BMPR1A: variants seen among roughly 807,000 people sequenced by gnomAD.
BMPR1A encodes bone morphogenetic protein receptor type-1A.
BMPR1A carries 7 observed loss-of-function variants against 66.0 expected under a neutral mutation model. The ratio of observed to expected loss-of-function variants is 0.11; its 90% CI spans 0.06 to 0.20. BMPR1A has a LOEUF of 0.20. BMPR1A is among the 10% of genes least tolerant of loss of function. BMPR1A has a pLI of 1.00. For synonymous variants in BMPR1A, 200 were observed against 229.7 expected (o/e 0.87, Z 1.17); for missense variants, 408 against 669.1 (o/e 0.61, Z 4.31).
chr10:86,824,112 T>TGTGTGTGTGTGTGTGTGTGTGTGTGTGTG (rs1564695887), intron 1 of BMPR1A, among the ~76,000 whole-genome samples: 2 of 151,736 alleles, frequency 1.3e-5, no homozygotes, highest in African/African-American at 4.8e-5. Flanking sequence ...TGTGTGTGTG[T>TGTGTGTGTGTGTGTGTGTGTGTGTGTGTG]TTCTTTCAGT....
chr10:86,875,479 A>G (rs1326823876), intron 2 of BMPR1A, among the ~76,000 whole-genome samples: 1 of 152,230 alleles, frequency 6.6e-6, no homozygotes, highest in Non-Finnish European at 1.5e-5. Context: ...TGTTTTCATT[A>G]TATCTACTAG....
rs1456045841 is a variant in BMPR1A at position 86,925,262 on chromosome 10, GCAAA to G, written c.*1547_*1550del. On this transcript the variant is annotated 3_prime_UTR_variant, in exon 13 of 13. Transcript: ENST00000372037. Reference sequence around the variant, plus strand: ...AATGCTTTTTAAATATTTATTCTGAGCAAACAATTCATGAGTACATCAAGTGAGA... The same window carrying G: ...AATGCTTTTTAAATATTTATTCTGAGCAATTCATGAGTACATCAAGTGAGA... The G allele has an allele frequency of 3.6e-5, 8 of 224,606 alleles. No individual in the cohort carries two copies. Among genetic ancestry groups the G allele is most frequent in the Non-Finnish European group, 6.2e-5 (7 of 113,168 alleles). 13.9% of individuals were successfully genotyped at this position (224,606 alleles called of 1,614,324 possible).
chr10:86,899,915 G>C, intron 6 of BMPR1A, 25 bp downstream of exon 6: 1 of 1,611,376 alleles, frequency 6.2e-7, no homozygotes, highest in Non-Finnish European at 8.5e-7. Flanking sequence ...AAAAGTCGGA[G>C]CATGCTTCTC....
At chr10:86,859,470 A>G (rs1201743932) in intron 2 of BMPR1A, among the ~76,000 whole-genome samples, 1 of 151,952 alleles carries the variant, frequency 6.6e-6, no homozygotes, top group African/African-American at 2.4e-5. Context: ...GCGCCCAGCT[A>G]AATACTGTAT....
At chr10:86,758,177 G>C (rs1397941408) in intron 1 of BMPR1A, among the ~76,000 whole-genome samples, 1 of 152,198 alleles carries the variant, frequency 6.6e-6, no homozygotes, top group African/African-American at 2.4e-5. Flanking sequence ...AATGTAGAAT[G>C]CGTTTTTAGT....
rs187086594 is a variant in BMPR1A, at chr10:86,823,044, C to T, written c.-267-15821C>T. Reference sequence around the variant, plus strand: ...ATAGAATTTAGCACAGTAACCGGCACATAGTAAATGTTTGATAAATGGAAC... The same window carrying T: ...ATAGAATTTAGCACAGTAACCGGCATATAGTAAATGTTTGATAAATGGAAC... On this transcript the variant is annotated intron_variant, in intron 1 of 12. Transcript: ENST00000372037. Among the ~76,000 whole-genome samples, 10 of 152,244 alleles carry T rather than the reference C, an allele frequency of 6.6e-5. No individual in the cohort carries two copies. In the East Asian group the frequency reaches 1.9e-3, roughly 29 times the overall value.
chr10:86,847,158 T>A (rs1842498053), intron 2 of BMPR1A, among the ~76,000 whole-genome samples: 1 of 152,016 alleles, frequency 6.6e-6, no homozygotes. Context: ...CCTGGCCCAT[T>A]TGGGGTACTT....
chr10:86,879,566 A>G lies in BMPR1A; in HGVS notation c.67+3481A>G, dbSNP rs543693929. ...AGAATAAGAGTATCTGTTGCTGGGTACCACATTTGTTGACCTGACATCATA... is the reference window on the plus strand; with the variant it reads ...AGAATAAGAGTATCTGTTGCTGGGTGCCACATTTGTTGACCTGACATCATA... On this transcript the variant is annotated intron_variant, in intron 3 of 12. Transcript: ENST00000372037. Among the ~76,000 whole-genome samples the G allele has an allele frequency of 7.9e-5, 12 of 152,350 alleles. No individual in the cohort carries two copies. In the South Asian group the frequency reaches 2.5e-3, roughly 32 times the overall value.
intron 2 of BMPR1A, among the ~76,000 whole-genome samples, chr10:86,846,736 A>G (rs1315587515): frequency 2.6e-5 from 4 of 151,844 alleles, no homozygotes; most frequent in African/African-American, 9.7e-5. Flanking sequence ...AATTAACCAC[A>G]CACCCACTTG....
chr10:86,820,686 C>G (rs2125056), intron 1 of BMPR1A, among the ~76,000 whole-genome samples: 33,328 of 152,016 alleles, frequency 0.22, 4,780 homozygotes, highest in East Asian at 0.64. Context: ...CCTTGCCCTC[C>G]CCCCGGACTT....
intron 1 of BMPR1A, among the ~76,000 whole-genome samples, chr10:86,825,060 G>A (rs1842173834): frequency 6.6e-6 from 1 of 151,546 alleles, no homozygotes; most frequent in Non-Finnish European, 1.5e-5. Context: ...AGAAATAATA[G>A]GACATTTAGA....
chr10:86,812,891 G>A (rs1841990010), intron 1 of BMPR1A, among the ~76,000 whole-genome samples: 4 of 152,148 alleles, frequency 2.6e-5, no homozygotes, highest in African/African-American at 9.7e-5. Flanking sequence ...TAAATGCAGA[G>A]TGATGTCTAT....
chr10:86,887,727 T>TCACA (rs1843085778), intron 3 of BMPR1A, among the ~76,000 whole-genome samples: 1 of 152,232 alleles, frequency 6.6e-6, no homozygotes, highest in Non-Finnish European at 1.5e-5. Context: ...ATATATTATA[T>TCACA]ACTGTTTGTT....
intron 2 of BMPR1A, among the ~76,000 whole-genome samples, chr10:86,850,019 TA>T (rs946980729): frequency 9.9e-5 from 15 of 151,854 alleles, no homozygotes; most frequent in Admixed American, 6.6e-5. Flanking sequence ...GAGTGGAAGT[TA>T]AAAAAAATTC....
intron 1 of BMPR1A, among the ~76,000 whole-genome samples, chr10:86,816,985 A>G (rs1842043828): frequency 6.6e-6 from 1 of 152,232 alleles, no homozygotes; most frequent in Admixed American, 6.5e-5. Context: ...CAGATAATGA[A>G]AGTACAAGTG....
chr10:86,771,553 G>A (rs1441108131), intron 1 of BMPR1A, among the ~76,000 whole-genome samples: 1 of 152,204 alleles, frequency 6.6e-6, no homozygotes, highest in African/African-American at 2.4e-5. Flanking sequence ...CTAAGTGGCA[G>A]AGCTGGGATT....
rs545516327 is a variant in BMPR1A, at chr10:86,775,533, T to C, written c.-268+18614T>C. 2.6e-4 allele frequency among the ~76,000 whole-genome samples: 39 copies of C among 152,308 alleles called. No homozygotes were observed. In the South Asian group the frequency reaches 7.5e-3, roughly 29 times the overall value. ...CACCCTGCTATAGAAAGTTTCATTT[T>C]TTGGACAGCATTTCCTGAGAGAATG... On this transcript the variant is annotated intron_variant, in intron 1 of 12. Transcript: ENST00000372037.
rs1843667822 is a variant in BMPR1A at position 86,921,672 on chromosome 10, T to C, written c.1319T>C (p.Met440Thr). 6.2e-7 allele frequency: 1 copy of C among 1,614,240 alleles called. No individual in the cohort carries two copies. The highest frequency in any genetic ancestry group is 8.5e-7 in the Non-Finnish European group (1 of 1,180,034). ...AGCTTCGGCCTAATCATTTGGGAGA[T>C]GGCTCGTCGTTGTATCACAGGAGGT... is the stretch of plus-strand genomic sequence containing the variant. ...IYSFGLIIWE[M>T]ARRCITGGIV... The change falls in exon 11 of 13, where the codon ATG (methionine) becomes ACG (threonine). Residue 440 changes from methionine (M) to threonine (T), a missense_variant. By Grantham distance (81) the Met-to-Thr change is moderately conservative. Coordinates refer to ENST00000372037, the MANE Select transcript of BMPR1A (RefSeq NM_004329.3).
intron 1 of BMPR1A, among the ~76,000 whole-genome samples, chr10:86,789,997 A>G (rs1387578318): frequency 2.0e-5 from 3 of 149,734 alleles, no homozygotes; most frequent in Non-Finnish European, 3.0e-5. Context: ...TCCACTAAAA[A>G]TACAAAAAAT....
Sources: allele counts gnomAD v4.1 joint callset (sites outside exome capture counted in the v4.1 genomes callset), GRCh38; gene constraint gnomAD v4.1.1; transcripts MANE v1.5; gene names NCBI Gene and HGNC (gene_info 2026-07-23, HGNC 2026-07-21).